The following RAI14 variants were observed in gnomAD, a reference collection of about 807,000 sequenced individuals.
The protein encoded by RAI14 is retinoic acid induced 14.
A neutral mutation model predicts 115.4 loss-of-function variants in RAI14; 45 were observed. That is an observed-to-expected ratio of 0.39 (90% confidence interval 0.31 to 0.50). The LOEUF (loss-of-function observed/expected upper bound fraction) is 0.50, where lower values mean the gene tolerates loss of function less well. RAI14 is among the 20% of genes least tolerant of loss of function. The probability of loss-of-function intolerance (pLI) is 0.85; values close to 1 mark genes in which losing one functional copy is unlikely to be tolerated. For synonymous variants in RAI14, 371 were observed against 415.4 expected, an observed-to-expected ratio of 0.89 and a Z score of 1.30; for missense variants, 939 against 1,131.2, an observed-to-expected ratio of 0.83 and a Z score of 2.44.
At chr5:34,799,610 T>C (rs1329093303) in intron 4 of RAI14, among the ~76,000 whole-genome samples, 1 of 151,888 alleles carries the variant, frequency 6.6e-6, no homozygotes, top group Non-Finnish European at 1.5e-5. Context: ...GTCTTCAGGA[T>C]GGTCAAATTG....
chr5:34,763,886 T>A (rs1369747314), intron 3 of RAI14, among the ~76,000 whole-genome samples: 1 of 152,056 alleles, frequency 6.6e-6, no homozygotes, highest in African/African-American at 2.4e-5. Context: ...TGAGACGGAG[T>A]CTTGCTCAGG....
intron 1 of RAI14, among the ~76,000 whole-genome samples, chr5:34,658,748 G>T (rs1390358990): frequency 6.6e-6 from 1 of 151,866 alleles, no homozygotes; most frequent in African/African-American, 2.4e-5. Context: ...CAGTGAGCTG[G>T]GATTGCGCCA....
At position 34,824,137 on chromosome 5, in the gene RAI14, A is replaced by G; in HGVS notation, c.2295A>G (p.Val765=). The G allele has an allele frequency of 6.2e-7, 1 of 1,614,040 alleles. No homozygotes were observed. Among genetic ancestry groups the G allele is most frequent in the Non-Finnish European group, 8.5e-7 (1 of 1,179,924 alleles). ...ACCTTGCAAGCAAGGAAGTGGAAGT[A>G]GCAAAGCTGGAGAAACAACTCTTAG... ...KEHLASKEVE[V]AKLEKQLLEE... is the part of the protein sequence containing the mutation. The change falls in exon 15 of 18, where the codon GTA becomes GTG. Residue 765 remains valine (V), a synonymous_variant. Coordinates refer to ENST00000265109, the MANE Select transcript of RAI14 (RefSeq NM_015577.3).
intron 2 of RAI14, among the ~76,000 whole-genome samples, chr5:34,730,856 G>A (rs563492443): frequency 3.3e-4 from 50 of 152,212 alleles, no homozygotes; most frequent in African/African-American, 1.1e-3. Context: ...GGTGGTGGGC[G>A]CCTGTAATCC....
chr5:34,683,414 A>G (rs1023081564), intron 1 of RAI14, among the ~76,000 whole-genome samples: 4 of 151,654 alleles, frequency 2.6e-5, no homozygotes, highest in African/African-American at 9.7e-5. Flanking sequence ...AAGAGTTTGT[A>G]TACTTTTCAC....
chr5:34,799,605 C>T (rs1001864790), intron 4 of RAI14, among the ~76,000 whole-genome samples: 1 of 150,254 alleles, frequency 6.7e-6, no homozygotes, highest in Non-Finnish European at 1.5e-5. Flanking sequence ...TTAATGTCTT[C>T]AGGATGGTCA....
intron 1 of RAI14, among the ~76,000 whole-genome samples, chr5:34,675,205 T>C (rs1743894219): frequency 6.6e-6 from 1 of 152,228 alleles, no homozygotes; most frequent in South Asian, 2.1e-4. Context: ...CCACTGGATC[T>C]TTTTAAGAAC....
intron 2 of RAI14, among the ~76,000 whole-genome samples, chr5:34,704,890 C>G (rs1482963465): frequency 3.3e-5 from 5 of 152,220 alleles, no homozygotes; most frequent in Non-Finnish European, 7.3e-5. Flanking sequence ...ATCCACTCTT[C>G]TAGTCACTAG....
intron 3 of RAI14, among the ~76,000 whole-genome samples, chr5:34,774,972 C>A (rs1750656193): frequency 6.6e-6 from 1 of 152,132 alleles, no homozygotes; most frequent in Non-Finnish European, 1.5e-5. Context: ...CATACATCTA[C>A]AGTAAACTCA....
chr5:34,822,246 G>GTGTGTA (rs1756916472), intron 14 of RAI14, among the ~76,000 whole-genome samples: 1 of 75,728 alleles, frequency 1.3e-5, no homozygotes, highest in Non-Finnish European at 2.7e-5. Context: ...ATGTATGTGT[G>GTGTGTA]TATGTATATA....
chr5:34,786,248 C>T (rs1416597633), intron 3 of RAI14, among the ~76,000 whole-genome samples: 1 of 152,184 alleles, frequency 6.6e-6, no homozygotes, highest in Non-Finnish European at 1.5e-5. Flanking sequence ...CAGGGAACTG[C>T]CAAGCCTCTA....
intron 1 of RAI14, among the ~76,000 whole-genome samples, chr5:34,675,079 T>C (rs973245817): frequency 2.0e-5 from 3 of 152,100 alleles, no homozygotes; most frequent in African/African-American, 7.2e-5. Context: ...GTATTTTTAG[T>C]AGAGATGGGG....
intron 3 of RAI14, among the ~76,000 whole-genome samples, chr5:34,784,212 A>G (rs1435620279): frequency 2.0e-5 from 3 of 152,224 alleles, no homozygotes; most frequent in Admixed American, 1.3e-4. Flanking sequence ...CAATACCTCA[A>G]TTACAGCTAC....
In RAI14 at chr5:34,757,495, C is replaced by T. The variant is rs780343550; in HGVS notation, c.64C>T (p.Arg22Trp). The T allele has an allele frequency of 1.9e-6, 3 of 1,613,610 alleles. No individual in the cohort carries two copies. The highest frequency in any genetic ancestry group is 2.5e-6 in the Non-Finnish European group (3 of 1,179,914). ...CAATGAGTGGAACAAGAATGATGACCGGCTACTGCAGGCCGTGGAGAATGG... is the reference window on the plus strand; with the variant it reads ...CAATGAGTGGAACAAGAATGATGACTGGCTACTGCAGGCCGTGGAGAATGG... ...DTNEWNKNDD[R>W]LLQAVENGDA... Residue 22 changes from arginine to tryptophan, a missense_variant, in exon 3 of 18, where the codon CGG becomes TGG. Transcript: ENST00000265109.
intron 2 of RAI14, among the ~76,000 whole-genome samples, chr5:34,690,885 T>C (rs1738507044): frequency 6.6e-6 from 1 of 152,148 alleles, no homozygotes; most frequent in Non-Finnish European, 1.5e-5. Flanking sequence ...GTTGTTGTCT[T>C]TAAAAGGTTG....
At chr5:34,672,240 A>C (rs1743669355) in intron 1 of RAI14, among the ~76,000 whole-genome samples, 1 of 152,160 alleles carries the variant, frequency 6.6e-6, no homozygotes, top group African/African-American at 2.4e-5. Flanking sequence ...CTTGGCTTCT[A>C]GTTAAGATTC....
At chr5:34,809,907 C>A (rs1479807794) in intron 7 of RAI14, among the ~76,000 whole-genome samples, 1 of 152,098 alleles carries the variant, frequency 6.6e-6, no homozygotes, top group Non-Finnish European at 1.5e-5. Context: ...AATTTATATA[C>A]CTATCACATG....
intron 16 of RAI14, 126 bp from the exon 17 acceptor site, chr5:34,829,606 C>A: frequency 1.6e-6 from 1 of 624,454 alleles, no homozygotes; most frequent in African/African-American, 1.9e-5. Flanking sequence ...TAGAAGCTTC[C>A]AGTGCTAGCA....
intron 8 of RAI14, 23 bp downstream of exon 8, chr5:34,811,141 T>A (rs1755536176): frequency 1.2e-6 from 2 of 1,608,128 alleles, no homozygotes; most frequent in African/African-American, 2.7e-5. Context: ...TAGGCAGAAA[T>A]CATGTGACTT....
Sources: gnomAD v4.1 joint callset for allele counts (sites outside exome capture counted in the v4.1 genomes callset) on GRCh38, gnomAD v4.1.1 for gene constraint, MANE v1.5 for transcripts, NCBI Gene and HGNC (gene_info 2026-07-23, HGNC 2026-07-21) for gene names.